The following CDH4 variants were observed in gnomAD, a reference collection of about 807,000 sequenced individuals.
The protein encoded by CDH4 is cadherin-4.
Under a neutral mutation model 86.0 loss-of-function variants are expected in CDH4, and 33 were observed. The observed-to-expected ratio is 0.38, with a 90% CI of 0.29 to 0.51. The LOEUF (loss-of-function observed/expected upper bound fraction) is 0.51, where lower values mean the gene tolerates loss of function less well. CDH4 is among the 20% of genes least tolerant of loss of function. CDH4 has a pLI of 0.86. For synonymous variants in CDH4, 555 were observed against 549.4 expected (o/e 1.01, Z -0.14); for missense variants, 1,114 against 1,307.4 (o/e 0.85, Z 2.28).
chr20:61,447,624 C>CTT (rs11204461), intron 2 of CDH4, among the ~76,000 whole-genome samples: 7 of 102,024 alleles, frequency 6.9e-5, no homozygotes, highest in South Asian at 3.4e-4. Flanking sequence ...ATTCTACTTC[C>CTT]TTTTTTTTTT....
intron 5 of CDH4, among the ~76,000 whole-genome samples, chr20:61,845,155 C>T (rs1982379865): frequency 6.6e-6 from 1 of 152,228 alleles, no homozygotes; most frequent in South Asian, 2.1e-4. Context: ...GATGGCTCTG[C>T]GGGGCTGGGA....
At chr20:61,500,086 A>G (rs1341907024) in intron 2 of CDH4, among the ~76,000 whole-genome samples, 1 of 152,170 alleles carries the variant, frequency 6.6e-6, no homozygotes, top group Non-Finnish European at 1.5e-5. Context: ...TGTCGGAATC[A>G]CTGTGGCATC....
intron 3 of CDH4, among the ~76,000 whole-genome samples, chr20:61,747,445 C>CAAAAA: frequency 1.3e-5 from 1 of 75,502 alleles, no homozygotes; most frequent in Non-Finnish European, 2.8e-5. Context: ...GACTCTGTCT[C>CAAAAA]AAAAAAAAAA....
chr20:61,562,894 T>C (rs923114954), intron 2 of CDH4, among the ~76,000 whole-genome samples: 2 of 152,206 alleles, frequency 1.3e-5, no homozygotes, highest in African/African-American at 4.8e-5. Context: ...CCCTGAGTCT[T>C]CACGGCTCCT....
At chr20:61,634,179 T>C (rs992112606) in intron 2 of CDH4, among the ~76,000 whole-genome samples, 2 of 152,098 alleles carry the variant, frequency 1.3e-5, no homozygotes, top group Admixed American at 1.3e-4. Context: ...CGTAAAGCTC[T>C]GTAAGCAGCT....
At chr20:61,766,486 G>C (rs914605178) in intron 3 of CDH4, among the ~76,000 whole-genome samples, 33 of 152,200 alleles carry the variant, frequency 2.2e-4, no homozygotes, top group African/African-American at 7.7e-4. Context: ...GGTTTCTTCC[G>C]ACAGCAGGGC....
At chr20:61,854,762 A>C in intron 6 of CDH4, among the ~76,000 whole-genome samples, 1 of 142,814 alleles carries the variant, frequency 7.0e-6, no homozygotes, top group Non-Finnish European at 1.5e-5. Context: ...TAGTGTGAAC[A>C]GGGTGAATTG....
chr20:61,825,110 A>G (rs906720080), intron 4 of CDH4, among the ~76,000 whole-genome samples: 2 of 152,016 alleles, frequency 1.3e-5, no homozygotes, highest in African/African-American at 4.8e-5. Context: ...CCACGACTTT[A>G]AAAACTATCT....
chr20:61,762,279 G>A (rs1051711849), intron 3 of CDH4, among the ~76,000 whole-genome samples: 25 of 152,234 alleles, frequency 1.6e-4, no homozygotes, highest in African/African-American at 5.3e-4. Context: ...TCTTATGCCT[G>A]ACGTGACCAC....
chr20:61,278,486 C>T (rs1408719295), intron 2 of CDH4, among the ~76,000 whole-genome samples: 1 of 152,196 alleles, frequency 6.6e-6, no homozygotes, highest in African/African-American at 2.4e-5. Flanking sequence ...TATCACGGTC[C>T]GTGGCGACCT....
chr20:61,407,747 G>A (rs1441378305), intron 2 of CDH4, among the ~76,000 whole-genome samples: 1 of 152,178 alleles, frequency 6.6e-6, no homozygotes, highest in East Asian at 1.9e-4. Flanking sequence ...GAGGACCGTG[G>A]TGCAGTCACA....
chr20:61,281,174 G>C (rs886548550), intron 2 of CDH4, among the ~76,000 whole-genome samples: 1 of 152,168 alleles, frequency 6.6e-6, no homozygotes, highest in Non-Finnish European at 1.5e-5. Flanking sequence ...GGCCTGGGAG[G>C]CTCCAGCGGG....
In CDH4 at chr20:61,690,014, C is replaced by T. The variant is rs531176459; in HGVS notation, c.170-53549C>T. Reference sequence around the variant, plus strand: ...GGTGGCTGGTGAGGTGATGTGGATTCGGGTGGGGACACTGGTTGGTGAGGT... The same window carrying T: ...GGTGGCTGGTGAGGTGATGTGGATTTGGGTGGGGACACTGGTTGGTGAGGT... On this transcript the variant is annotated intron_variant, in intron 2 of 15. Coordinates refer to ENST00000614565, the MANE Select transcript of CDH4 (RefSeq NM_001794.5). Among the ~76,000 whole-genome samples, 213 of 144,244 alleles carry T rather than the reference C, an allele frequency of 1.5e-3. 4 individuals carry two copies. Among genetic ancestry groups the T allele is most frequent in the African/African-American group, 5.4e-3 (205 of 38,060 alleles). 94.6% of individuals were successfully genotyped at this position (144,244 alleles called of 152,430 possible). A position where few individuals can be genotyped will look rare whatever the true frequency, so the allele number is the denominator to read the frequency against.
At chr20:61,691,445 GTGTGTA>G (rs1369391011) in intron 2 of CDH4, among the ~76,000 whole-genome samples, 1 of 133,030 alleles carries the variant, frequency 7.5e-6, no homozygotes, top group Non-Finnish European at 1.7e-5. Context: ...ATGTGTGTCT[GTGTGTA>G]TGTGTGTGCA....
intron 2 of CDH4, among the ~76,000 whole-genome samples, chr20:61,482,201 G>A (rs943737085): frequency 1.5e-4 from 23 of 152,190 alleles, no homozygotes; most frequent in East Asian, 1.9e-4. Flanking sequence ...TGTAGGGCCC[G>A]GAAGAAGCCA....
rs944934607 is a variant in CDH4, at chr20:61,663,911, G to A, written c.170-79652G>A. ...ACCGCTGGCGCCAGCATCTGTGCCCGCGGCAGTTTAGAGTGACACTGTCCT... is the reference window on the plus strand; with the variant it reads ...ACCGCTGGCGCCAGCATCTGTGCCCACGGCAGTTTAGAGTGACACTGTCCT... On this transcript the variant is annotated intron_variant, in intron 2 of 15. Coordinates refer to ENST00000614565, the MANE Select transcript of CDH4 (RefSeq NM_001794.5). The surrounding 1 kb of genome is among the most constrained non-coding windows in gnomAD (Gnocchi z 5.0). Among the ~76,000 whole-genome samples, 6 of 152,264 alleles carry A rather than the reference G, an allele frequency of 3.9e-5. No individual in the cohort carries two copies. Among genetic ancestry groups the A allele is most frequent in the South Asian group, 2.1e-4 (1 of 4,814 alleles).
At chr20:61,315,420 A>G (rs769926246) in intron 2 of CDH4, among the ~76,000 whole-genome samples, 1 of 152,158 alleles carries the variant, frequency 6.6e-6, no homozygotes, top group Non-Finnish European at 1.5e-5. Flanking sequence ...GTGCCCTGAT[A>G]AAAAAGACCA....
chr20:61,771,901 G>A (rs1456171260), intron 3 of CDH4, among the ~76,000 whole-genome samples: 2 of 152,170 alleles, frequency 1.3e-5, no homozygotes, highest in African/African-American at 2.4e-5. Context: ...AGAGTTTCCT[G>A]GGGACAGATT....
intron 4 of CDH4, among the ~76,000 whole-genome samples, chr20:61,826,582 A>G (rs1981324726): frequency 6.6e-6 from 1 of 152,228 alleles, no homozygotes; most frequent in Admixed American, 6.5e-5. Flanking sequence ...TTTCAAGAAT[A>G]ACACAGGTGG....
Sources: gnomAD v4.1 joint callset for allele counts (sites outside exome capture counted in the v4.1 genomes callset) on GRCh38, gnomAD v4.1.1 for gene constraint, Gnocchi (gnomAD v3.1) non-coding constraint, MANE v1.5 for transcripts, NCBI Gene and HGNC (gene_info 2026-07-23, HGNC 2026-07-21) for gene names.